The following TCN2 variants were observed in gnomAD, a reference collection of about 807,000 sequenced individuals.
TCN2 encodes the protein transcobalamin 2.
TCN2 carries 34 observed loss-of-function variants against 48.6 expected under a neutral mutation model. The ratio of observed to expected loss-of-function variants is 0.70; its 90% confidence interval spans 0.53 to 0.93. The LOEUF (loss-of-function observed/expected upper bound fraction) is 0.93, where lower values mean the gene tolerates loss of function less well. Among genes scored for constraint, TCN2 ranks in the 40% least tolerant of loss-of-function variants. The pLI is 0.00. For synonymous variants in TCN2, 283 were observed against 212.5 expected (o/e 1.33, Z -2.89); for missense variants, 652 against 526.1 (o/e 1.24, Z -2.34).
chr22:30,620,938 G>A (rs1378805456), intron 7 of TCN2, among the ~76,000 whole-genome samples: 1 of 152,200 alleles, frequency 6.6e-6, no homozygotes, highest in East Asian at 1.9e-4. Context: ...GCTACTCTGT[G>A]ACATTCCTTA....
In TCN2 at chr22:30,620,158, TA is replaced by T. The variant is rs199715754; in HGVS notation, c.1106+2667del. Among the ~76,000 whole-genome samples the T allele has an allele frequency of 7.5e-5, 11 of 145,888 alleles. No homozygotes were observed. In the South Asian group the frequency reaches 8.7e-4, roughly 11 times the overall value. On this transcript the variant is annotated intron_variant, in intron 7 of 8. Transcript: ENST00000215838. ...GATGACAAAACTTTTTTTTTTTTTT[TA>T]AAAGACAAAGGGCTGAGTGTGATGG...
Position 30,615,091 on chromosome 22 carries a change from C to T in TCN2, c.581-210C>T, listed in dbSNP as rs574008097. Among the ~76,000 whole-genome samples, 190 of 152,250 alleles carry T rather than the reference C, an allele frequency of 1.2e-3. 1 individual carries two copies. Among genetic ancestry groups the T allele is most frequent in the African/African-American group, 4.1e-3 (169 of 41,538 alleles). On this transcript the variant is annotated intron_variant, in intron 4 of 8. Coordinates refer to ENST00000215838, the MANE Select transcript of TCN2 (RefSeq NM_000355.4). ...CAGTTTGCCCAGAAATGAGCAGTTT[C>T]CTGGGACACAGGATTTTCAGAGTCC...
In TCN2 at chr22:30,623,803, T is replaced by C. The variant is rs199908186; in HGVS notation, c.1222+720T>C. 5.0e-4 allele frequency among the ~76,000 whole-genome samples: 31 copies of C among 61,554 alleles called. 8 individuals carry two copies. The highest frequency in any genetic ancestry group is 9.2e-4 in the East Asian group (3 of 3,268). The allele number at this position is 61,554 out of a possible 152,430, so 40.4% of individuals were successfully genotyped here. A position where few individuals can be genotyped will look rare whatever the true frequency, so the allele number is the denominator to read the frequency against. ...ATATATGTATACATATATACACACA[T>C]ACACATATATACACACACATACACA... On this transcript the variant is annotated intron_variant, in intron 8 of 8. Coordinates refer to ENST00000215838, the MANE Select transcript of TCN2 (RefSeq NM_000355.4).
chr22:30,607,472 A>G (rs2087470012), intron 1 of TCN2, 77 bp downstream of exon 1: 3 of 1,521,582 alleles, frequency 2.0e-6, no homozygotes, highest in Non-Finnish European at 2.7e-6. Flanking sequence ...GGATGAGGGA[A>G]CTTACCTGCC....
At chr22:30,618,347 A>ATTTT (rs1373047766) in intron 7 of TCN2, among the ~76,000 whole-genome samples, 2 of 149,506 alleles carry the variant, frequency 1.3e-5, no homozygotes, top group Non-Finnish European at 3.0e-5. Flanking sequence ...GTATTTGTTT[A>ATTTT]TTTTTATTTA....
At chr22:30,620,986 G>GGGT (rs774748433) in intron 7 of TCN2, among the ~76,000 whole-genome samples, 6,568 of 146,876 alleles carry the variant, frequency 0.045, 231 homozygotes, top group African/African-American at 0.099. Context: ...ACCCCAAATA[G>GGGT]GGTGGTGGTT....
At chr22:30,617,957 A>G (rs553808947) in intron 7 of TCN2, among the ~76,000 whole-genome samples, 32 of 152,054 alleles carry the variant, frequency 2.1e-4, no homozygotes, top group Non-Finnish European at 4.0e-4. Context: ...TTTGTTTTTA[A>G]GAGACAGGGT....
chr22:30,625,497 T>A (rs771879588), intron 8 of TCN2, among the ~76,000 whole-genome samples: 1 of 152,000 alleles, frequency 6.6e-6, no homozygotes, highest in Non-Finnish European at 1.5e-5. Context: ...GGGGTCTCAC[T>A]CTGTCACCCA....
intron 3 of TCN2, among the ~76,000 whole-genome samples, chr22:30,614,027 AG>A (rs2087576272): frequency 6.6e-6 from 1 of 152,046 alleles, no homozygotes; most frequent in Non-Finnish European, 1.5e-5. Context: ...ACCTCCTTGG[AG>A]AATCCTGCCT....
chr22:30,621,852 T>G (rs1330747783), intron 7 of TCN2, among the ~76,000 whole-genome samples: 3 of 152,152 alleles, frequency 2.0e-5, no homozygotes, highest in Non-Finnish European at 1.5e-5. Context: ...TCTCTCTGCC[T>G]CCTCTCAGCT....
chr22:30,610,639 A>G lies in TCN2; in HGVS notation c.65-232A>G, dbSNP rs563519928. 6.7e-4 allele frequency among the ~76,000 whole-genome samples: 102 copies of G among 152,310 alleles called. 1 individual carries two copies. In the South Asian group the frequency reaches 0.02, roughly 30 times the overall value. On this transcript the variant is annotated intron_variant, in intron 1 of 8. Coordinates refer to ENST00000215838, the MANE Select transcript of TCN2 (RefSeq NM_000355.4). ...CAGTAGCATCCTCTATCTTCAGCCC[A>G]CCACCTCTCTTGCTGGCTCACTCCA...
chr22:30,608,138 A>G (rs2087480892), intron 1 of TCN2, among the ~76,000 whole-genome samples: 1 of 152,166 alleles, frequency 6.6e-6, no homozygotes, highest in African/African-American at 2.4e-5. Flanking sequence ...GGCAGAAGGC[A>G]GGCTTTGGGA....
chr22:30,613,575 G>C (rs1048791138), intron 3 of TCN2, among the ~76,000 whole-genome samples: 2 of 152,116 alleles, frequency 1.3e-5, no homozygotes, highest in Non-Finnish European at 1.5e-5. Context: ...CACTGCGTTA[G>C]GCCCACTGAC....
chr22:30,623,807 C>CGT (rs1569046491), intron 8 of TCN2, among the ~76,000 whole-genome samples: 23 of 27,126 alleles, frequency 8.5e-4, no homozygotes, highest in South Asian at 1.6e-3. Context: ...CACACATACA[C>CGT]ATATATACAC....
intron 3 of TCN2, 130 bp downstream of exon 3, chr22:30,613,172 A>C: frequency 2.9e-5 from 38 of 1,315,230 alleles, no homozygotes; most frequent in Non-Finnish European, 3.6e-5. Context: ...TGCCCATCTC[A>C]CTGCCTACGT....
At chr22:30,622,550 C>T (rs897487309) in intron 7 of TCN2, among the ~76,000 whole-genome samples, 3 of 152,200 alleles carry the variant, frequency 2.0e-5, no homozygotes, top group African/African-American at 7.2e-5. Context: ...TGCCAGGTGT[C>T]TCTGCCTCCA....
intron 6 of TCN2, among the ~76,000 whole-genome samples, chr22:30,616,723 C>T (rs1013434706): frequency 6.6e-6 from 1 of 152,122 alleles, no homozygotes; most frequent in Admixed American, 6.5e-5. Context: ...ATCACTTGAA[C>T]CTGGGAGACA....
At chr22:30,623,490 G>A (rs1602056144) in intron 8 of TCN2, among the ~76,000 whole-genome samples, 1 of 151,650 alleles carries the variant, frequency 6.6e-6, no homozygotes, top group Non-Finnish European at 1.5e-5. Context: ...GAGCCCAAGT[G>A]GTCTGCCTGC....
At chr22:30,618,273 T>TTTTTTTG (rs1208721704) in intron 7 of TCN2, among the ~76,000 whole-genome samples, 1 of 22,000 alleles carries the variant, frequency 4.5e-5, no homozygotes, top group East Asian at 5.9e-4. Context: ...GTTTTTTTTG[T>TTTTTTTG]TTTTTTTTTT....
Sources: allele counts gnomAD v4.1 joint callset (sites outside exome capture counted in the v4.1 genomes callset), GRCh38; gene constraint gnomAD v4.1.1; transcripts MANE v1.5; gene names NCBI Gene and HGNC (gene_info 2026-07-23, HGNC 2026-07-21).